Variants in GALNT2 observed in about 807,000 individuals in gnomAD.
GALNT2 encodes polypeptide N-acetylgalactosaminyltransferase 2.
Under a neutral mutation model 81.4 loss-of-function variants are expected in GALNT2, and 31 were observed. The observed-to-expected ratio is 0.38, with a 90% CI of 0.29 to 0.51. GALNT2 has a LOEUF of 0.51. Among genes scored for constraint, GALNT2 ranks in the 20% least tolerant of loss-of-function variants. The pLI is 0.87. For synonymous variants in GALNT2, 303 were observed against 287.4 expected, an observed-to-expected ratio of 1.05 and a Z score of -0.55; for missense variants, 629 against 765.7, an observed-to-expected ratio of 0.82 and a Z score of 2.11.
rs924524614 is a variant in GALNT2, at chr1:230,279,701, A to G, written c.*243A>G. On this transcript the variant is annotated 3_prime_UTR_variant, in exon 16 of 16. Coordinates refer to ENST00000366672, the MANE Select transcript of GALNT2 (RefSeq NM_004481.5). The surrounding 1 kb of genome is among the most constrained non-coding windows in gnomAD (Gnocchi z 4.6). ...AGCCGGGCCCCCTTCCCCAGGCCGG[A>G]GCGCCCCTCTTCCTTCCAGCTTTCA... 4 of 565,942 alleles carry G rather than the reference A, an allele frequency of 7.1e-6. No individual in the cohort carries two copies. Among genetic ancestry groups the G allele is most frequent in the Non-Finnish European group, 9.6e-6 (3 of 311,374 alleles). The allele number at this position is 565,942 out of a possible 1,614,324, so 35.1% of individuals were successfully genotyped here.
Position 230,193,382 on chromosome 1 carries a change from G to A in GALNT2, c.221-9755G>A, listed in dbSNP as rs1663588004. Reference sequence around the variant, plus strand: ...GACAGCTCTTTGCCCAAGAGCATATGTCCTGATCTGCTGCTGAAGGACAGT... The same window carrying A: ...GACAGCTCTTTGCCCAAGAGCATATATCCTGATCTGCTGCTGAAGGACAGT... On this transcript the variant is annotated intron_variant, in intron 2 of 15. Transcript: ENST00000366672. This position sits in a 1 kb window ranked among gnomAD's most constrained non-coding sequence, Gnocchi z 4.3. Among the ~76,000 whole-genome samples the A allele has an allele frequency of 6.6e-6, 1 of 152,164 alleles. No individual in the cohort carries two copies. The highest frequency in any genetic ancestry group is 6.5e-5 in the Admixed American group (1 of 15,282).
Position 230,271,035 on chromosome 1 carries a change from C to T in GALNT2, c.1441-3410C>T, listed in dbSNP as rs933132720. On this transcript the variant is annotated intron_variant, in intron 14 of 15. Coordinates refer to ENST00000366672, the MANE Select transcript of GALNT2 (RefSeq NM_004481.5). The surrounding 1 kb of genome is among the most constrained non-coding windows in gnomAD (Gnocchi z 4.2). ...GATCTTTAACTGGGTGTCAGCAGACCATCCAGCATCCGCCAACACCTGCTG... is the reference window on the plus strand; with the variant it reads ...GATCTTTAACTGGGTGTCAGCAGACTATCCAGCATCCGCCAACACCTGCTG... Among the ~76,000 whole-genome samples the T allele has an allele frequency of 2.0e-5, 3 of 152,164 alleles. No individual in the cohort carries two copies. The highest frequency in any genetic ancestry group is 4.8e-5 in the African/African-American group (2 of 41,434).
intron 14 of GALNT2, among the ~76,000 whole-genome samples, chr1:230,270,495 A>G (rs544902246): frequency 6.6e-6 from 1 of 152,236 alleles, no homozygotes; most frequent in Non-Finnish European, 1.5e-5. Flanking sequence ...TGTGAATTAC[A>G]AGTTTAATTT....
chr1:230,156,993 CTA>C (rs1221932172), intron 1 of GALNT2, among the ~76,000 whole-genome samples: 16 of 152,176 alleles, frequency 1.1e-4, no homozygotes, highest in African/African-American at 3.6e-4. Flanking sequence ...TTTGGAGAAA[CTA>C]TCACGAAAGA....
chr1:230,121,585 C>T (rs368957209), intron 1 of GALNT2, among the ~76,000 whole-genome samples: 5 of 152,304 alleles, frequency 3.3e-5, no homozygotes, highest in African/African-American at 9.6e-5. Context: ...GAGAATTAGG[C>T]GGATGTCCAT....
chr1:230,259,479 A>G (rs1284346049), intron 11 of GALNT2: 1 of 152,196 alleles, frequency 6.6e-6, no homozygotes, highest in Non-Finnish European at 1.5e-5. Context: ...CTGACTTACC[A>G]AGATGGGAAT....
chr1:230,101,429 G>A (rs12126814), intron 1 of GALNT2, among the ~76,000 whole-genome samples: 42,924 of 152,188 alleles, frequency 0.28, 6,089 homozygotes, highest in African/African-American at 0.33. Flanking sequence ...TCGTGTGCCC[G>A]TCTCTTCACA....
At chr1:230,208,140 T>C (rs1208902287) in intron 3 of GALNT2, among the ~76,000 whole-genome samples, 1 of 152,254 alleles carries the variant, frequency 6.6e-6, no homozygotes, top group Non-Finnish European at 1.5e-5. Context: ...ATGGGAATTC[T>C]GAAGTTTCTT....
chr1:230,220,312 A>T (rs972480287), intron 3 of GALNT2, among the ~76,000 whole-genome samples: 3 of 151,816 alleles, frequency 2.0e-5, no homozygotes, highest in Non-Finnish European at 4.4e-5. Flanking sequence ...ATCAAAGATT[A>T]GGAATTATGG....
At chr1:230,261,081 CTTTT>C (rs60478941) in intron 11 of GALNT2, among the ~76,000 whole-genome samples, 10 of 130,372 alleles carry the variant, frequency 7.7e-5, no homozygotes, top group Non-Finnish European at 8.2e-5. Context: ...TAAAGTTTCT[CTTTT>C]TTTTTTTTTT....
intron 1 of GALNT2, among the ~76,000 whole-genome samples, chr1:230,137,669 G>A (rs1264359709): frequency 1.7e-4 from 26 of 152,342 alleles, no homozygotes; most frequent in Admixed American, 1.7e-3. Flanking sequence ...TCAGCATCTT[G>A]TCACAGCTGT....
intron 1 of GALNT2, among the ~76,000 whole-genome samples, chr1:230,075,300 A>G (rs923818405): frequency 2.6e-5 from 4 of 151,496 alleles, no homozygotes; most frequent in African/African-American, 9.7e-5. Flanking sequence ...TGATTTTTGT[A>G]TTTTTAATAG....
At chr1:230,077,909 G>A (rs928850159) in intron 1 of GALNT2, among the ~76,000 whole-genome samples, 3 of 152,182 alleles carry the variant, frequency 2.0e-5, no homozygotes, top group Admixed American at 2.0e-4. Flanking sequence ...TGGTTTTTAG[G>A]GATTAAGAGT....
chr1:230,268,821 T>C (rs1233242787), intron 14 of GALNT2, among the ~76,000 whole-genome samples: 1 of 152,198 alleles, frequency 6.6e-6, no homozygotes, highest in Non-Finnish European at 1.5e-5. Flanking sequence ...CCCCCGGTCC[T>C]GCCCAGTAGA....
At chr1:230,232,579 A>G (rs1664898308) in intron 3 of GALNT2, among the ~76,000 whole-genome samples, 1 of 152,192 alleles carries the variant, frequency 6.6e-6, no homozygotes, top group Non-Finnish European at 1.5e-5. Context: ...AAGTCATTCA[A>G]CCTAGGTCTG....
chr1:230,188,760 A>AT lies in GALNT2; in HGVS notation c.220+10459dup, dbSNP rs577106378. Reference sequence around the variant, plus strand: ...CATGCTTTCTACTTGGAACCACTGAATTTTTTTTTTCAGTGTTGGTTTTTA... The same window carrying AT: ...CATGCTTTCTACTTGGAACCACTGAATTTTTTTTTTTCAGTGTTGGTTTTTA... On this transcript the variant is annotated intron_variant, in intron 2 of 15. Transcript: ENST00000366672. Among the ~76,000 whole-genome samples the AT allele has an allele frequency of 4.3e-4, 65 of 150,186 alleles. No individual in the cohort carries two copies. In the South Asian group the frequency reaches 0.011, roughly 25 times the overall value.
intron 1 of GALNT2, among the ~76,000 whole-genome samples, chr1:230,097,065 G>A (rs961483710): frequency 8.5e-5 from 13 of 152,236 alleles, no homozygotes; most frequent in South Asian, 4.2e-4. Context: ...GAGAAATGTC[G>A]CTTGACATTT....
chr1:230,239,130 T>C (rs1408622188), intron 6 of GALNT2, among the ~76,000 whole-genome samples: 1 of 152,230 alleles, frequency 6.6e-6, no homozygotes, highest in Non-Finnish European at 1.5e-5. Context: ...TGTCTCTTTT[T>C]TTACTGTTTG....
At position 230,255,505 on chromosome 1, in the gene GALNT2, G is replaced by A. The variant is rs139509131; in HGVS notation, c.1136+161G>A. Reference sequence around the variant, plus strand: ...TTGAAAGGCGCATTCCACGGATGCAGGATACAACCTGGGCGCCTTTCCAGG... The same window carrying A: ...TTGAAAGGCGCATTCCACGGATGCAAGATACAACCTGGGCGCCTTTCCAGG... On this transcript the variant is annotated intron_variant, in intron 11 of 15. Coordinates refer to ENST00000366672, the MANE Select transcript of GALNT2 (RefSeq NM_004481.5). 583 of 938,016 alleles carry A rather than the reference G, an allele frequency of 6.2e-4. 1 individual carries two copies. In the African/African-American group the frequency reaches 7.9e-3, roughly 13 times the overall value. The allele number at this position is 938,016 out of a possible 1,614,324, so 58.1% of individuals were successfully genotyped here.
Sources: gnomAD v4.1 joint callset for allele counts (sites outside exome capture counted in the v4.1 genomes callset) on GRCh38, gnomAD v4.1.1 for gene constraint, Gnocchi (gnomAD v3.1) non-coding constraint, MANE v1.5 for transcripts, NCBI Gene and HGNC (gene_info 2026-07-23, HGNC 2026-07-21) for gene names.